TNFSF4: variants seen among roughly 807,000 people sequenced by gnomAD.
TNFSF4 encodes the protein TNF superfamily member 4, also known as tumor necrosis factor ligand superfamily member 4.
TNFSF4 carries 4 observed loss-of-function variants against 7.3 expected under a neutral mutation model. The ratio of observed to expected loss-of-function variants is 0.55; its 90% CI spans 0.27 to 1.25. TNFSF4 has a LOEUF of 1.25. Ranked by LOEUF, TNFSF4 falls within the 50% of genes most tolerant of loss-of-function variation. The pLI, the probability that TNFSF4 is intolerant of heterozygous loss-of-function variation, is 0.12. For synonymous variants in TNFSF4, 76 were observed against 83.7 expected (o/e 0.91, Z 0.50); for missense variants, 181 against 208.8 (o/e 0.87, Z 0.82).
At chr1:173,335,149 G>A in the TNFSF4 span, among the ~76,000 whole-genome samples, 4 of 152,228 alleles carry the variant, frequency 2.6e-5, no homozygotes, top group South Asian at 4.2e-4. Context: ...TGCTTAGTTC[G>A]TTAGATGAAA....
intron 2 of TNFSF4, among the ~76,000 whole-genome samples, chr1:173,187,539 T>C (rs1649283407): frequency 2.6e-5 from 4 of 152,220 alleles, no homozygotes; most frequent in Admixed American, 1.3e-4. Flanking sequence ...AATGCAGCTG[T>C]GCACACCGTA....
chr1:173,418,899 A>C, the TNFSF4 span, among the ~76,000 whole-genome samples: 1 of 152,144 alleles, frequency 6.6e-6, no homozygotes, highest in East Asian at 1.9e-4. Flanking sequence ...TTTGAATGTG[A>C]CCCCCAAATT....
At chr1:173,228,290 C>T in the TNFSF4 span, among the ~76,000 whole-genome samples, 2 of 152,218 alleles carry the variant, frequency 1.3e-5, no homozygotes, top group African/African-American at 4.8e-5. Flanking sequence ...TGTTCTGCAG[C>T]CTCTGCTGGT....
the TNFSF4 span, among the ~76,000 whole-genome samples, chr1:173,444,453 A>G: frequency 6.6e-6 from 1 of 152,272 alleles, no homozygotes; most frequent in African/African-American, 2.4e-5. Context: ...TTTTCACTCA[A>G]GATCACACAC....
chr1:173,428,824 G>C, the TNFSF4 span, among the ~76,000 whole-genome samples: 1 of 152,166 alleles, frequency 6.6e-6, no homozygotes, highest in Non-Finnish European at 1.5e-5. Context: ...GGCCAACATG[G>C]TGAAACCCCG....
At chr1:173,339,978 T>C in the TNFSF4 span, among the ~76,000 whole-genome samples, 2,237 of 152,264 alleles carry the variant, frequency 0.015, 19 homozygotes, top group Non-Finnish European at 0.024. Flanking sequence ...CTGGATGAGA[T>C]AAAATATTTG....
chr1:173,295,981 T>C, the TNFSF4 span, among the ~76,000 whole-genome samples: 1 of 152,024 alleles, frequency 6.6e-6, no homozygotes, highest in Non-Finnish European at 1.5e-5. Context: ...TAGTACAAGT[T>C]TATTTGGGTG....
chr1:173,193,962 T>TAA (rs1445134443), intron 1 of TNFSF4, among the ~76,000 whole-genome samples: 4 of 152,240 alleles, frequency 2.6e-5, no homozygotes, highest in African/African-American at 9.6e-5. Flanking sequence ...TTGTTGTTGT[T>TAA]GTTTTAAGTG....
the TNFSF4 span, among the ~76,000 whole-genome samples, chr1:173,341,722 A>C: frequency 6.6e-6 from 1 of 152,188 alleles, no homozygotes; most frequent in South Asian, 2.1e-4. Context: ...GCTTTAGACA[A>C]ATACCAGATG....
the TNFSF4 span, among the ~76,000 whole-genome samples, chr1:173,395,037 T>TAGATAGATGATAGATA: frequency 3.1e-4 from 29 of 94,118 alleles, no homozygotes; most frequent in Admixed American, 4.6e-4. Flanking sequence ...GATAGATAGA[T>TAGATAGATGATAGATA]GATAGATAGA....
At chr1:173,359,640 T>C in the TNFSF4 span, among the ~76,000 whole-genome samples, 1 of 152,196 alleles carries the variant, frequency 6.6e-6, no homozygotes, top group Admixed American at 6.5e-5. Flanking sequence ...TGGGATTATT[T>C]TCCTTCATGT....
At chr1:173,318,196 T>A in the TNFSF4 span, among the ~76,000 whole-genome samples, 1 of 152,180 alleles carries the variant, frequency 6.6e-6, no homozygotes, top group East Asian at 1.9e-4. Context: ...ATCCCAGCAC[T>A]TTGGGAGGCC....
At chr1:173,303,263 C>T in the TNFSF4 span, among the ~76,000 whole-genome samples, 281 of 151,916 alleles carry the variant, frequency 1.8e-3, no homozygotes, top group Non-Finnish European at 3.4e-3. Flanking sequence ...AGTCATACCC[C>T]CCAAGTCTGC....
the TNFSF4 span, among the ~76,000 whole-genome samples, chr1:173,290,433 G>T: frequency 2.0e-5 from 3 of 152,008 alleles, no homozygotes; most frequent in African/African-American, 4.8e-5. Flanking sequence ...AAGAGCAGGG[G>T]TTACTATTCT....
At chr1:173,434,437 A>G in the TNFSF4 span, among the ~76,000 whole-genome samples, 1 of 152,230 alleles carries the variant, frequency 6.6e-6, no homozygotes, top group Admixed American at 6.5e-5. Context: ...GTGAGCAATC[A>G]GTGGGTTAAC....
At chr1:173,398,431 T>TTTTG in the TNFSF4 span, among the ~76,000 whole-genome samples, 6 of 124,462 alleles carry the variant, frequency 4.8e-5, no homozygotes, top group African/African-American at 1.9e-4. Context: ...TTTTTTTTTT[T>TTTTG]GTTCTCTTTT....
chr1:173,241,099 C>G, the TNFSF4 span, among the ~76,000 whole-genome samples: 1 of 152,150 alleles, frequency 6.6e-6, no homozygotes, highest in Admixed American at 6.6e-5. Flanking sequence ...CTATGACACA[C>G]ATACTTCCTA....
the TNFSF4 span, among the ~76,000 whole-genome samples, chr1:173,229,960 T>A: frequency 5.3e-5 from 8 of 151,822 alleles, no homozygotes; most frequent in Non-Finnish European, 8.8e-5. Flanking sequence ...ACAAAGAGAC[T>A]TAGACTCCCA....
At chr1:173,302,708 A>C in the TNFSF4 span, among the ~76,000 whole-genome samples, 1 of 151,304 alleles carries the variant, frequency 6.6e-6, no homozygotes, top group Non-Finnish European at 1.5e-5. Context: ...TAAAACTAAA[A>C]ATCACTTAAT....
Sources: gnomAD v4.1 joint callset for allele counts (sites outside exome capture counted in the v4.1 genomes callset) on GRCh38, gnomAD v4.1.1 for gene constraint, MANE v1.5 for transcripts, NCBI Gene and HGNC (gene_info 2026-07-23, HGNC 2026-07-21) for gene names.